Variants in ZNF385B observed in about 807,000 individuals in gnomAD.
ZNF385B encodes the protein zinc finger protein 533.
ZNF385B carries 23 observed loss-of-function variants against 39.2 expected under a neutral mutation model. That is an observed-to-expected ratio of 0.59 (90% CI 0.42 to 0.83). The LOEUF is 0.83. ZNF385B is among the 40% of genes least tolerant of loss of function. ZNF385B has a pLI of 0.00. For synonymous variants in ZNF385B, 205 were observed against 222.6 expected (o/e 0.92, Z 0.70); for missense variants, 552 against 598.9 (o/e 0.92, Z 0.82).
intron 1 of ZNF385B, among the ~76,000 whole-genome samples, chr2:179,859,126 C>T (rs1358540193): frequency 6.6e-6 from 1 of 152,088 alleles, no homozygotes; most frequent in Non-Finnish European, 1.5e-5. Context: ...TTGATCGATC[C>T]TCATTTAATA....
chr2:179,577,271 A>G (rs1298944671), intron 3 of ZNF385B, among the ~76,000 whole-genome samples: 1 of 152,058 alleles, frequency 6.6e-6, no homozygotes, highest in Admixed American at 6.6e-5. Flanking sequence ...AGCCAAAACT[A>G]TTTTCTGAGA....
intron 3 of ZNF385B, among the ~76,000 whole-genome samples, chr2:179,549,911 C>T (rs1033528076): frequency 2.0e-5 from 3 of 148,630 alleles, no homozygotes; most frequent in African/African-American, 7.6e-5. Context: ...CAAGTAAATA[C>T]TCTGATCTCA....
intron 1 of ZNF385B, among the ~76,000 whole-genome samples, chr2:179,787,963 A>G (rs535118977): frequency 6.6e-6 from 1 of 152,330 alleles, no homozygotes; most frequent in Non-Finnish European, 1.5e-5. Flanking sequence ...AATTTTAGGT[A>G]TCATTTACCA....
At chr2:179,503,923 T>C (rs2056999911) in intron 5 of ZNF385B, among the ~76,000 whole-genome samples, 1 of 150,292 alleles carries the variant, frequency 6.7e-6, no homozygotes, top group South Asian at 2.2e-4. Context: ...ATGTGCACAT[T>C]GTGCAGGTTA....
At chr2:179,651,312 C>T (rs1370683558) in intron 3 of ZNF385B, among the ~76,000 whole-genome samples, 1 of 152,008 alleles carries the variant, frequency 6.6e-6, no homozygotes, top group African/African-American at 2.4e-5. Context: ...AAACGTAAAG[C>T]AGTGCATTCA....
chr2:179,711,929 C>G (rs916983485), intron 3 of ZNF385B, among the ~76,000 whole-genome samples: 1 of 117,988 alleles, frequency 8.5e-6, no homozygotes, highest in Non-Finnish European at 1.6e-5. Flanking sequence ...CAGTTCTGTT[C>G]GGCCTACTGC....
At chr2:179,527,417 T>C (rs6710463) in intron 4 of ZNF385B, among the ~76,000 whole-genome samples, 1 of 151,862 alleles carries the variant, frequency 6.6e-6, no homozygotes, top group Non-Finnish European at 1.5e-5. Context: ...CCAAACAATA[T>C]TTGTATATTC....
At chr2:179,831,844 A>G (rs1032177466) in intron 1 of ZNF385B, among the ~76,000 whole-genome samples, 2 of 152,198 alleles carry the variant, frequency 1.3e-5, no homozygotes, top group South Asian at 4.1e-4. Context: ...ATCTCAATTT[A>G]TGGACTCATA....
At chr2:179,852,619 C>T (rs1201078451) in intron 1 of ZNF385B, among the ~76,000 whole-genome samples, 1 of 152,038 alleles carries the variant, frequency 6.6e-6, no homozygotes. Context: ...TAAGTAAAGG[C>T]CAGTGAATAC....
In ZNF385B at chr2:179,641,613, C is replaced by T. The variant is rs143127242; in HGVS notation, c.299-96644G>A. 3.3e-3 allele frequency among the ~76,000 whole-genome samples: 500 copies of T among 152,070 alleles called. 4 individuals are homozygous for T. Among genetic ancestry groups the T allele is most frequent in the African/African-American group, 0.011 (470 of 41,494 alleles). ...CCCTAAAAGCATTATGTTTCACATG[C>T]ATACAACAAAATTGAACCTCTATGG... On this transcript the variant is annotated intron_variant, in intron 3 of 9. Transcript: ENST00000410066.
At chr2:179,777,753 T>C (rs1298027079) in intron 1 of ZNF385B, among the ~76,000 whole-genome samples, 1 of 150,634 alleles carries the variant, frequency 6.6e-6, no homozygotes, top group East Asian at 2.0e-4. Context: ...CAAGTTTTAC[T>C]TCCTTATATC....
intron 1 of ZNF385B, among the ~76,000 whole-genome samples, chr2:179,853,375 T>C (rs1684333835): frequency 1.3e-5 from 2 of 152,224 alleles, no homozygotes; most frequent in South Asian, 4.1e-4. Context: ...AGCATATTCA[T>C]TCACAAGAAG....
intron 1 of ZNF385B, among the ~76,000 whole-genome samples, chr2:179,844,739 T>G (rs1708713343): frequency 6.6e-6 from 1 of 152,110 alleles, no homozygotes; most frequent in South Asian, 2.1e-4. Flanking sequence ...CAAGTAAAAA[T>G]GTACAGGATG....
chr2:179,476,016 CAAAAAAAAA>C (rs34327373), intron 6 of ZNF385B, among the ~76,000 whole-genome samples: 4 of 57,014 alleles, frequency 7.0e-5, no homozygotes, highest in Non-Finnish European at 1.3e-4. Context: ...GCCTCTGTCT[CAAAAAAAAA>C]AAAAAAAAAA....
At chr2:179,617,593 G>A (rs1160919050) in intron 3 of ZNF385B, among the ~76,000 whole-genome samples, 1 of 152,146 alleles carries the variant, frequency 6.6e-6, no homozygotes. Context: ...AGACTGGTGG[G>A]TTCCACTTCA....
intron 3 of ZNF385B, among the ~76,000 whole-genome samples, chr2:179,635,738 C>A (rs1294410100): frequency 6.6e-6 from 1 of 151,856 alleles, no homozygotes; most frequent in African/African-American, 2.4e-5. Context: ...TTTTTGGTTG[C>A]CTACTCTTTG....
chr2:179,773,577 T>C (rs1310937234), intron 1 of ZNF385B, among the ~76,000 whole-genome samples: 1 of 152,228 alleles, frequency 6.6e-6, no homozygotes, highest in Non-Finnish European at 1.5e-5. Context: ...CACACAATTC[T>C]TATATTATTG....
At chr2:179,832,011 C>A (rs1708013317) in intron 1 of ZNF385B, among the ~76,000 whole-genome samples, 1 of 152,182 alleles carries the variant, frequency 6.6e-6, no homozygotes, top group African/African-American at 2.4e-5. Flanking sequence ...TCAATTTAGG[C>A]AAGACTGCCC....
chr2:179,583,705 A>T (rs1686789032), intron 3 of ZNF385B, among the ~76,000 whole-genome samples: 1 of 152,240 alleles, frequency 6.6e-6, no homozygotes. Flanking sequence ...CTCAGCAAGT[A>T]ATACAGGTAA....
Sources: gnomAD v4.1 joint callset for allele counts (sites outside exome capture counted in the v4.1 genomes callset) on GRCh38, gnomAD v4.1.1 for gene constraint, MANE v1.5 for transcripts, NCBI Gene and HGNC (gene_info 2026-07-23, HGNC 2026-07-21) for gene names.